The following RBMS1 variants were observed in gnomAD, a reference collection of about 807,000 sequenced individuals.
RBMS1 encodes the protein RNA binding motif single stranded interacting protein 1.
RBMS1 carries 17 observed loss-of-function variants against 62.3 expected under a neutral mutation model. The observed-to-expected ratio is 0.27, with a 90% CI of 0.19 to 0.41. The LOEUF (loss-of-function observed/expected upper bound fraction) is 0.41, where lower values mean the gene tolerates loss of function less well. Among genes scored for constraint, RBMS1 ranks in the 10% least tolerant of loss-of-function variants. The probability of loss-of-function intolerance (pLI) is 1.00; values close to 1 mark genes in which losing one functional copy is unlikely to be tolerated. For synonymous variants in RBMS1, 172 were observed against 170.0 expected (o/e 1.01, Z -0.09); for missense variants, 334 against 504.5 (o/e 0.66, Z 3.24).
At chr2:160,285,667 GA>G (rs1326961581) in intron 7 of RBMS1, among the ~76,000 whole-genome samples, 1 of 151,014 alleles carries the variant, frequency 6.6e-6, no homozygotes, top group South Asian at 2.1e-4. Context: ...AAAGAGAGGT[GA>G]AAAAAACCCC....
intron 1 of RBMS1, among the ~76,000 whole-genome samples, chr2:160,393,914 G>C (rs1194408574): frequency 6.6e-6 from 1 of 152,174 alleles, no homozygotes; most frequent in African/African-American, 2.4e-5. Flanking sequence ...TCTAAAATAA[G>C]TACTGGGAAA....
rs892597087 is a variant in RBMS1, at chr2:160,414,333, G to T, written c.76-46942C>A. 3.9e-5 allele frequency among the ~76,000 whole-genome samples: 6 copies of T among 151,996 alleles called. No homozygotes were observed. In the East Asian group the frequency reaches 1.2e-3, roughly 29 times the overall value. On this transcript the variant is annotated intron_variant, in intron 1 of 13. Transcript: ENST00000348849. ...TTTGTTTTTTTTTCTGGAATCATTG[G>T]TGGGACAGAGTTAGGAGAGAAGCAG...
chr2:160,288,208 A>C (rs959576096), intron 6 of RBMS1, among the ~76,000 whole-genome samples: 1 of 152,164 alleles, frequency 6.6e-6, no homozygotes, highest in Non-Finnish European at 1.5e-5. Flanking sequence ...TCTGGTTCCC[A>C]CATTCTGTCC....
intron 2 of RBMS1, among the ~76,000 whole-genome samples, chr2:160,339,235 GT>G (rs1477765825): frequency 1.3e-5 from 2 of 152,024 alleles, no homozygotes; most frequent in Non-Finnish European, 2.9e-5. Flanking sequence ...TCCTTTACCT[GT>G]AACACAACTC....
chr2:160,384,640 T>A (rs535442716), intron 1 of RBMS1, among the ~76,000 whole-genome samples: 1 of 152,318 alleles, frequency 6.6e-6, no homozygotes, highest in East Asian at 1.9e-4. Flanking sequence ...AGCTTCCAAG[T>A]CTCATCTCTT....
At chr2:160,301,835 C>T (rs1689225510) in intron 5 of RBMS1, among the ~76,000 whole-genome samples, 1 of 152,100 alleles carries the variant, frequency 6.6e-6, no homozygotes, top group Non-Finnish European at 1.5e-5. Context: ...CTATATAAAA[C>T]AACATAATAA....
In RBMS1 at chr2:160,285,003, T is replaced by C. The variant is rs773009702; in HGVS notation, c.798A>G (p.Ile266Met). The change falls in exon 8 of 14, where the codon ATA becomes ATG. Residue 266 changes from isoleucine to methionine, a missense_variant. This residue lies in a region of RBMS1 where 182 missense variants were observed against 257.7 expected (regional missense o/e 0.71). Coordinates refer to ENST00000348849, the MANE Select transcript of RBMS1 (RefSeq NM_016836.4). ...TTATTTTAACGACATACCCGTTCTGTATAGCAGCTGTAGTTGGGTCGTAAG... is the reference window on the plus strand; with the variant it reads ...TTATTTTAACGACATACCCGTTCTGCATAGCAGCTGTAGTTGGGTCGTAAG... ...TLTYDPTTAAIQNGFYPSPYS... is the reference protein window; with the variant it reads ...TLTYDPTTAAMQNGFYPSPYS... 11 of 1,613,092 alleles carry C rather than the reference T, an allele frequency of 6.8e-6. No homozygotes were observed. The highest frequency in any genetic ancestry group is 1.3e-5 in the African/African-American group (1 of 74,912).
intron 3 of RBMS1, among the ~76,000 whole-genome samples, chr2:160,317,361 C>G (rs536070377): frequency 1.3e-5 from 2 of 152,294 alleles, no homozygotes; most frequent in East Asian, 3.9e-4. Context: ...CTATTCCTGT[C>G]AACTTATTTC....
At chr2:160,291,289 A>T (rs1388354612) in intron 6 of RBMS1, among the ~76,000 whole-genome samples, 1 of 152,164 alleles carries the variant, frequency 6.6e-6, no homozygotes, top group Non-Finnish European at 1.5e-5. Flanking sequence ...ATTTTATCCT[A>T]ATCAAAACAC....
At chr2:160,461,033 A>G (rs1159588664) in intron 1 of RBMS1, among the ~76,000 whole-genome samples, 1 of 152,196 alleles carries the variant, frequency 6.6e-6, no homozygotes, top group Admixed American at 6.5e-5. Context: ...CCAAGGCTGG[A>G]GGATCACTTA....
intron 2 of RBMS1, among the ~76,000 whole-genome samples, chr2:160,358,507 T>C (rs1201700801): frequency 6.6e-6 from 1 of 152,178 alleles, no homozygotes; most frequent in East Asian, 1.9e-4. Flanking sequence ...CTGTTATTAA[T>C]ATTTTATGTA....
At chr2:160,476,375 A>C (rs185941833) in intron 1 of RBMS1, among the ~76,000 whole-genome samples, 10 of 152,214 alleles carry the variant, frequency 6.6e-5, no homozygotes, top group African/African-American at 2.4e-4. Flanking sequence ...TTTTATCCTA[A>C]TCACGTATGT....
rs1286610901 is a variant in RBMS1 at position 160,318,292 on chromosome 2, C to G, written c.252-65G>C. 3 of 1,458,066 alleles carry G rather than the reference C, an allele frequency of 2.1e-6. No individual in the cohort carries two copies. The East Asian group carries it at 7.9e-5, about 38-fold the overall frequency. The allele number at this position is 1,458,066 out of a possible 1,614,324, so 90.3% of individuals were successfully genotyped here. A position where few individuals can be genotyped will look rare whatever the true frequency, so the allele number is the denominator to read the frequency against. Reference sequence around the variant, plus strand: ...GAAAGAAAAAGAAGTTATAAGGAACCCTTATTAATGCCTAAATCCAAAGAA... The same window carrying G: ...GAAAGAAAAAGAAGTTATAAGGAACGCTTATTAATGCCTAAATCCAAAGAA... On this transcript the variant is annotated intron_variant, in intron 2 of 13. Coordinates refer to ENST00000348849, the MANE Select transcript of RBMS1 (RefSeq NM_016836.4).
At position 160,273,669 on chromosome 2, in the gene RBMS1, CATT is replaced by C. The variant is rs1327456905; in HGVS notation, c.*1100_*1102del. On this transcript the variant is annotated 3_prime_UTR_variant, in exon 14 of 14. Coordinates refer to ENST00000348849, the MANE Select transcript of RBMS1 (RefSeq NM_016836.4). ...CATAATTCTCATTCTAAAGCACTAT[CATT>C]AGTATAAAGGAAGGACAAAACATTC... is the stretch of plus-strand genomic sequence containing the variant. 1 of 152,108 alleles carries C rather than the reference CATT, an allele frequency of 6.6e-6. No individual in the cohort carries two copies. Among genetic ancestry groups the C allele is most frequent in the African/African-American group, 2.4e-5 (1 of 41,420 alleles). The allele number at this position is 152,108 out of a possible 1,614,324, so 9.4% of individuals were successfully genotyped here. A position where few individuals can be genotyped will look rare whatever the true frequency, so the allele number is the denominator to read the frequency against.
intron 1 of RBMS1, among the ~76,000 whole-genome samples, chr2:160,491,335 T>C (rs1041387158): frequency 6.6e-6 from 1 of 152,214 alleles, no homozygotes; most frequent in Non-Finnish European, 1.5e-5. Context: ...TCAGATTTAA[T>C]TGTAGAATTA....
At position 160,480,909 on chromosome 2, in the gene RBMS1, T is replaced by A. The variant is rs141341199; in HGVS notation, c.75+12380A>T. 8.5e-3 allele frequency among the ~76,000 whole-genome samples: 1,294 copies of A among 151,350 alleles called. 9 individuals carry two copies. Among genetic ancestry groups the A allele is most frequent in the Middle Eastern group, 0.028 (8 of 288 alleles). On this transcript the variant is annotated intron_variant, in intron 1 of 13. Transcript: ENST00000348849. ...GCCTGGCCAACATACCGAAACCCCATCTCTACTAAAAATACAAAAAAATTA... is the reference window on the plus strand; with the variant it reads ...GCCTGGCCAACATACCGAAACCCCAACTCTACTAAAAATACAAAAAAATTA...
chr2:160,400,946 A>C (rs1033462005), intron 1 of RBMS1, among the ~76,000 whole-genome samples: 1 of 152,164 alleles, frequency 6.6e-6, no homozygotes, highest in Non-Finnish European at 1.5e-5. Flanking sequence ...ATTTCACCAC[A>C]ATTTTGAGAC....
At chr2:160,489,563 A>G (rs1006452555) in intron 1 of RBMS1, among the ~76,000 whole-genome samples, 5 of 152,210 alleles carry the variant, frequency 3.3e-5, no homozygotes, top group Non-Finnish European at 5.9e-5. Flanking sequence ...TTCAATGCAG[A>G]AAAACTGCTT....
chr2:160,456,382 G>C lies in RBMS1; in HGVS notation c.75+36907C>G, dbSNP rs151085863. Among the ~76,000 whole-genome samples the C allele has an allele frequency of 5.3e-5, 8 of 152,224 alleles. No homozygotes were observed. In the South Asian group the frequency reaches 1.0e-3, roughly 20 times the overall value. ...CTAAAAGGTGTACGTGAAGTCATCT[G>C]GCACTTTTGCAAAGGAATTCTAGGG... On this transcript the variant is annotated intron_variant, in intron 1 of 13. Transcript: ENST00000348849.
Sources: allele counts gnomAD v4.1 joint callset (sites outside exome capture counted in the v4.1 genomes callset), GRCh38; gene constraint gnomAD v4.1.1; regional missense constraint gnomAD v4.1.1; transcripts MANE v1.5; gene names NCBI Gene and HGNC (gene_info 2026-07-23, HGNC 2026-07-21).